THSD4: variants seen among roughly 807,000 people sequenced by gnomAD.
THSD4 encodes thrombospondin type-1 domain-containing protein 4.
Under a neutral mutation model 119.0 loss-of-function variants are expected in THSD4, and 69 were observed. The observed-to-expected ratio is 0.58, with a 90% CI of 0.48 to 0.71. The LOEUF is 0.71. Among genes scored for constraint, THSD4 ranks in the 30% least tolerant of loss-of-function variants. THSD4 has a pLI of 0.00. For missense variants in THSD4, 1,393 were observed against 1,391.1 expected (o/e 1.00, Z -0.02); for synonymous variants, 524 against 540.4 (o/e 0.97, Z 0.42).
At chr15:71,427,774 CCATT>C (rs1251739561) in intron 7 of THSD4, among the ~76,000 whole-genome samples, 3 of 151,826 alleles carry the variant, frequency 2.0e-5, no homozygotes, top group African/African-American at 7.3e-5. Flanking sequence ...GGGAAACCCT[CCATT>C]AAGTCATTCC....
intron 7 of THSD4, among the ~76,000 whole-genome samples, chr15:71,615,210 G>A (rs572205610): frequency 3.9e-5 from 6 of 152,180 alleles, no homozygotes; most frequent in African/African-American, 1.4e-4. Context: ...ACATGTAAAT[G>A]GAAAAATGGA....
At chr15:71,659,468 G>A (rs986589364) in intron 7 of THSD4, among the ~76,000 whole-genome samples, 3 of 152,148 alleles carry the variant, frequency 2.0e-5, no homozygotes, top group African/African-American at 7.2e-5. Context: ...GCCCAGGCTG[G>A]AGTACAATGA....
chr15:71,416,301 C>T lies in THSD4; in HGVS notation c.1152+4478C>T, dbSNP rs1217213862. Reference sequence around the variant, plus strand: ...ATCTTGGCTTTTGTGAATAGTGTTGCAGATATCTCTTCGATACACTGATTT... The same window carrying T: ...ATCTTGGCTTTTGTGAATAGTGTTGTAGATATCTCTTCGATACACTGATTT... On this transcript the variant is annotated intron_variant, in intron 7 of 17. Coordinates refer to ENST00000261862, the MANE Select transcript of THSD4 (RefSeq NM_024817.3). Among the ~76,000 whole-genome samples the T allele has an allele frequency of 5.1e-5, 2 of 39,436 alleles. 1 individual carries two copies. The highest frequency in any genetic ancestry group is 1.5e-4 in the African/African-American group (2 of 13,540). The allele number at this position is 39,436 out of a possible 152,430, so 25.9% of individuals were successfully genotyped here. A position where few individuals can be genotyped will look rare whatever the true frequency, so the allele number is the denominator to read the frequency against.
At chr15:71,135,091 A>G (rs1436365369) in intron 1 of THSD4, among the ~76,000 whole-genome samples, 12 of 145,330 alleles carry the variant, frequency 8.3e-5, no homozygotes, top group Non-Finnish European at 1.4e-4. Context: ...ATTGGAAACC[A>G]TCATTCTCAG....
intron 5 of THSD4, among the ~76,000 whole-genome samples, chr15:71,251,645 TA>T (rs1382448903): frequency 2.0e-5 from 3 of 152,150 alleles, no homozygotes; most frequent in Non-Finnish European, 4.4e-5. Flanking sequence ...GTGAAAAGGA[TA>T]AAAAAATTAC....
At chr15:71,410,342 A>G (rs1040702152) in intron 6 of THSD4, among the ~76,000 whole-genome samples, 2 of 152,242 alleles carry the variant, frequency 1.3e-5, no homozygotes, top group Non-Finnish European at 2.9e-5. Context: ...AGAGGAGGCC[A>G]CATCAACCTG....
At chr15:71,238,669 A>G (rs1256196963) in intron 4 of THSD4, among the ~76,000 whole-genome samples, 1 of 152,206 alleles carries the variant, frequency 6.6e-6, no homozygotes, top group African/African-American at 2.4e-5. Context: ...GGGTATACCA[A>G]TGTTTTATTT....
At chr15:71,191,128 C>A (rs1443617940) in intron 3 of THSD4, among the ~76,000 whole-genome samples, 1 of 152,136 alleles carries the variant, frequency 6.6e-6, no homozygotes, top group Non-Finnish European at 1.5e-5. Flanking sequence ...AACCTCTTTG[C>A]CTTCTCCTGC....
At chr15:71,566,821 C>A (rs1330730562) in intron 7 of THSD4, among the ~76,000 whole-genome samples, 1 of 149,822 alleles carries the variant, frequency 6.7e-6, no homozygotes, top group East Asian at 2.0e-4. Context: ...GCATTTCTTT[C>A]CATGGGGCAC....
chr15:71,097,585 A>C (rs2040236208), intron 1 of THSD4, among the ~76,000 whole-genome samples: 1 of 151,262 alleles, frequency 6.6e-6, no homozygotes, highest in Non-Finnish European at 1.5e-5. Flanking sequence ...AAACAACAAC[A>C]ACCAAATGAG....
intron 6 of THSD4, among the ~76,000 whole-genome samples, chr15:71,336,334 A>G (rs1371138201): frequency 6.6e-6 from 1 of 152,244 alleles, no homozygotes; most frequent in Non-Finnish European, 1.5e-5. Flanking sequence ...ATTTTGTTAA[A>G]TCTGAAATTC....
intron 7 of THSD4, among the ~76,000 whole-genome samples, chr15:71,636,985 A>G (rs2050757904): frequency 6.6e-6 from 1 of 151,898 alleles, no homozygotes; most frequent in Non-Finnish European, 1.5e-5. Context: ...CCCGAGTTCA[A>G]GTGATTTCCC....
At chr15:71,170,886 G>T (rs1362767090) in intron 3 of THSD4, among the ~76,000 whole-genome samples, 1 of 152,062 alleles carries the variant, frequency 6.6e-6, no homozygotes. Context: ...AAAATGACAA[G>T]ATCTGAGATG....
At chr15:71,479,217 A>G (rs539255854) in intron 7 of THSD4, among the ~76,000 whole-genome samples, 2 of 130,358 alleles carry the variant, frequency 1.5e-5, no homozygotes, top group South Asian at 2.4e-4. Context: ...GGTGTTTTCA[A>G]TGACTCCCCT....
chr15:71,760,757 G>A (rs1345868861), intron 15 of THSD4, among the ~76,000 whole-genome samples: 1 of 152,150 alleles, frequency 6.6e-6, no homozygotes, highest in African/African-American at 2.4e-5. Context: ...AAGTGCAACT[G>A]CAGGAATTCT....
At chr15:71,394,347 A>G (rs1261818882) in intron 6 of THSD4, among the ~76,000 whole-genome samples, 1 of 137,886 alleles carries the variant, frequency 7.3e-6, no homozygotes, top group Non-Finnish European at 1.5e-5. Flanking sequence ...ATCTTGGCTC[A>G]CTGCCACCTC....
chr15:71,604,739 A>G (rs1046310833), intron 7 of THSD4, among the ~76,000 whole-genome samples: 5 of 152,202 alleles, frequency 3.3e-5, no homozygotes, highest in Non-Finnish European at 5.9e-5. Context: ...TACTGTTTTA[A>G]GTTATACAAA....
chr15:71,515,101 T>C (rs1472771025), intron 7 of THSD4, among the ~76,000 whole-genome samples: 2 of 152,242 alleles, frequency 1.3e-5, no homozygotes, highest in Middle Eastern at 3.2e-3. Context: ...TAATACATAT[T>C]GTCAATTATT....
At chr15:71,112,073 C>G, upstream of THSD4, 2 of 1,606,558 alleles carry the variant, frequency 1.2e-6, no homozygotes, top group South Asian at 2.2e-5. Context: ...TATTCCAGTT[C>G]CACATGCCCT....
Sources: gnomAD v4.1 joint callset for allele counts (sites outside exome capture counted in the v4.1 genomes callset) on GRCh38, gnomAD v4.1.1 for gene constraint, MANE v1.5 for transcripts, NCBI Gene and HGNC (gene_info 2026-07-23, HGNC 2026-07-21) for gene names.